The following ERBB3 variants were observed in gnomAD, a reference collection of about 807,000 sequenced individuals.
The protein encoded by ERBB3 is erb-b2 receptor tyrosine kinase 3, also known as receptor tyrosine-protein kinase erbB-3.
Under a neutral mutation model 156.7 loss-of-function variants are expected in ERBB3, and 96 were observed. The ratio of observed to expected loss-of-function variants is 0.61; its 90% confidence interval spans 0.52 to 0.73. The LOEUF is 0.73. ERBB3 is among the 30% of genes least tolerant of loss of function. The probability of loss-of-function intolerance (pLI) is 0.00; values close to 1 mark genes in which losing one functional copy is unlikely to be tolerated. For missense variants in ERBB3, 1,406 were observed against 1,709.4 expected (o/e 0.82, Z 3.13); for synonymous variants, 567 against 632.0 (o/e 0.90, Z 1.54).
At chr12:56,085,229 G>A (rs1190140884) in intron 3 of ERBB3, 48 bp downstream of exon 3, 1 of 1,614,000 alleles carries the variant, frequency 6.2e-7, no homozygotes, top group Admixed American at 1.7e-5. Flanking sequence ...GCCAGCCCAA[G>A]ACTGGTACCT....
chr12:56,088,092 A>G lies in ERBB3; in HGVS notation c.804A>G (p.Leu268=), dbSNP rs770884727. Residue 268 remains leucine, a synonymous_variant, in exon 7 of 28, where the codon CTA becomes CTG. Coordinates refer to ENST00000267101, the MANE Select transcript of ERBB3 (RefSeq NM_001982.4). ...CACAGCCTCTTGTCTACAACAAGCT[A>G]ACTTTCCAGCTGGAACCCAATCCCC... The part of the protein sequence containing the change: ...RCPQPLVYNK[L]TFQLEPNPHT... 9 of 1,614,014 alleles carry G rather than the reference A, an allele frequency of 5.6e-6. No individual in the cohort carries two copies. In the African/African-American group the frequency reaches 1.2e-4, roughly 22 times the overall value.
chr12:56,100,423 C>T (rs1869051283), intron 26 of ERBB3, 178 bp downstream of exon 26: 1 of 651,170 alleles, frequency 1.5e-6, no homozygotes, highest in Non-Finnish European at 2.8e-6. Flanking sequence ...GAGTGGATCA[C>T]CTGAGGTTAG....
Position 56,093,562 on chromosome 12 carries a change from G to C in ERBB3, c.1480+12G>C, listed in dbSNP as rs1385001279. ...GCGCAGAGACTGCGGTGAGGGAAAG[G>C]GTCTGCTAGGTGGTGAGAATAGGGA... On this transcript the variant is annotated intron_variant, in intron 12 of 27. Transcript: ENST00000267101. 8 of 1,607,056 alleles carry C rather than the reference G, an allele frequency of 5.0e-6. No homozygotes were observed. Among genetic ancestry groups the C allele is most frequent in the Admixed American group, 3.3e-5 (2 of 59,976 alleles).
chr12:56,095,332 T>C (rs1358313330), intron 16 of ERBB3, 22 bp downstream of exon 16: 1 of 1,605,048 alleles, frequency 6.2e-7, no homozygotes, highest in Non-Finnish European at 8.5e-7. Context: ...TTGGAGATTC[T>C]GGAAACTGGG....
chr12:56,093,332 TC>T lies in ERBB3; in HGVS notation c.1275-11del. The stretch of plus-strand genomic sequence containing the variant: ...TAGTAGTCTCTCCTCTCATCCTGTC[TC>T]CTTATTCTCAGCCGGGGCTTCTCAT... On this transcript the variant is annotated splice_polypyrimidine_tract_variant and intron_variant, in intron 11 of 27. Transcript: ENST00000267101. The T allele has an allele frequency of 6.2e-7, 1 of 1,609,008 alleles. No homozygotes were observed. Among genetic ancestry groups the T allele is most frequent in the Non-Finnish European group, 8.5e-7 (1 of 1,175,592 alleles).
At chr12:56,083,709 T>C (rs371192679) in intron 1 of ERBB3, 42 bp from the exon 2 acceptor site, 7 of 1,612,050 alleles carry the variant, frequency 4.3e-6, no homozygotes, top group African/African-American at 1.3e-5. Context: ...GGCTGAGAAT[T>C]TGTGTCCAGC....
At chr12:56,094,357 T>C (rs1366513767) in intron 14 of ERBB3, 45 bp from the exon 15 acceptor site, 1 of 1,612,200 alleles carries the variant, frequency 6.2e-7, no homozygotes, top group Non-Finnish European at 8.5e-7. Context: ...GGTATGGAAT[T>C]GACCTTGGGA....
intron 10 of ERBB3, 66 bp from the exon 11 acceptor site, chr12:56,092,920 G>A: frequency 6.5e-7 from 1 of 1,534,342 alleles, no homozygotes; most frequent in Non-Finnish European, 9.0e-7. Context: ...AGTTATAGGG[G>A]AGGAGCCAGG....
In ERBB3 at chr12:56,088,566, TC is replaced by T. The variant is rs775916001; in HGVS notation, c.900del (p.Cys301ValfsTer12). ...CPHNFVVDQT[S>X]CVRACPPDKM... ...AGATAACTTTGTGGTGGATCAAACA[TC>T]CTGTGTCAGGGCCTGTCCTCCTGAC... On this transcript the variant is annotated frameshift_variant, in exon 8 of 28. Coordinates refer to ENST00000267101, the MANE Select transcript of ERBB3 (RefSeq NM_001982.4). LOFTEE classifies it high-confidence loss of function. 2.5e-6 allele frequency: 4 copies of T among 1,613,850 alleles called. No individual in the cohort carries two copies. In the South Asian group the frequency reaches 3.3e-5, roughly 13 times the overall value.
intron 9 of ERBB3, among the ~76,000 whole-genome samples, chr12:56,092,088 TAAAA>T (rs778531663): frequency 8.9e-6 from 1 of 111,818 alleles, no homozygotes; most frequent in Non-Finnish European, 1.9e-5. Context: ...CCCTGTCTCT[TAAAA>T]AAAAAAAAAA....
intron 13 of ERBB3, 22 bp downstream of exon 13, chr12:56,093,918 A>G: frequency 6.8e-7 from 1 of 1,470,052 alleles, no homozygotes; most frequent in Non-Finnish European, 9.5e-7. Flanking sequence ...GGAGCCAGTC[A>G]AGGATGGGTG....
At position 56,088,163 on chromosome 12, in the gene ERBB3, G is replaced by A. The variant is rs755433568; in HGVS notation, c.874+1G>A. Reference sequence around the variant, plus strand: ...GGAGTTTGTGTAGCCAGCTGTCCCCGTAAGTGTCTGAGGGGAAGGAACAAT... The same window carrying A: ...GGAGTTTGTGTAGCCAGCTGTCCCCATAAGTGTCTGAGGGGAAGGAACAAT... On this transcript the variant is annotated splice_donor_variant, in intron 7 of 27. Transcript: ENST00000267101. LOFTEE classifies it high-confidence loss of function. 6.8e-6 allele frequency: 11 copies of A among 1,613,892 alleles called. No individual in the cohort carries two copies. The highest frequency in any genetic ancestry group is 2.2e-5 in the East Asian group (1 of 44,876).
chr12:56,102,131 C>A lies in ERBB3; in HGVS notation c.*76C>A. ...TAGAGGGTACCGTCTTCTCCCTATTCCCTCTCTCTCCCAGGTCCCAGCCCC... is the reference window on the plus strand; with the variant it reads ...TAGAGGGTACCGTCTTCTCCCTATTACCTCTCTCTCCCAGGTCCCAGCCCC... On this transcript the variant is annotated 3_prime_UTR_variant, in exon 28 of 28. Transcript: ENST00000267101. 2 of 1,284,248 alleles carry A rather than the reference C, an allele frequency of 1.6e-6. No homozygotes were observed. The highest frequency in any genetic ancestry group is 2.2e-6 in the Non-Finnish European group (2 of 893,340). The allele number at this position is 1,284,248 out of a possible 1,614,324, so 79.6% of individuals were successfully genotyped here. A position where few individuals can be genotyped will look rare whatever the true frequency, so the allele number is the denominator to read the frequency against.
At position 56,094,136 on chromosome 12, in the gene ERBB3, T is replaced by C; in HGVS notation, c.1651T>C (p.Ser551Pro). ...ATTTGCCCATGAGGCCGAATGCTTC[T>C]CCTGCCACCCGGAATGCCAACCCAT... is the stretch of plus-strand genomic sequence containing the variant. ...REFAHEAECF[S>P]CHPECQPMEG... The change falls in exon 14 of 28, where the codon TCC (serine) becomes CCC (proline). Residue 551 changes from serine (S) to proline (P), a missense_variant. Physicochemically the swap from Ser to Pro is moderately conservative, Grantham distance 74. Transcript: ENST00000267101. 6.2e-7 allele frequency: 1 copy of C among 1,613,992 alleles called. No homozygotes were observed. Among genetic ancestry groups the C allele is most frequent in the Non-Finnish European group, 8.5e-7 (1 of 1,179,928 alleles).
In ERBB3 at chr12:56,085,166, T is replaced by C; in HGVS notation, c.406T>C (p.Leu136=). The change falls in exon 3 of 28, where the codon TTG becomes CTG. Residue 136 remains leucine, a synonymous_variant. Coordinates refer to ENST00000267101, the MANE Select transcript of ERBB3 (RefSeq NM_001982.4). Reference sequence around the variant, plus strand: ...CAGCCACGCTCTGCGCCAGCTCCGCTTGACTCAGCTCACCGGTCAGTTCCC... The same window carrying C: ...CAGCCACGCTCTGCGCCAGCTCCGCCTGACTCAGCTCACCGGTCAGTTCCC... ...NSSHALRQLR[L]TQLTEILSGG... is the part of the protein sequence containing the mutation. The C allele has an allele frequency of 6.2e-7, 1 of 1,614,170 alleles. No homozygotes were observed. The highest frequency in any genetic ancestry group is 8.5e-7 in the Non-Finnish European group (1 of 1,180,020).
chr12:56,101,709 G>T lies in ERBB3; in HGVS notation c.3683G>T (p.Gly1228Val). 1 of 1,613,832 alleles carries T rather than the reference G, an allele frequency of 6.2e-7. No individual in the cohort carries two copies. The highest frequency in any genetic ancestry group is 8.5e-7 in the Non-Finnish European group (1 of 1,179,972). The change falls in exon 28 of 28, where the codon GGG (glycine) becomes GTG (valine). Residue 1228 changes from glycine (G) to valine (V), a missense_variant. This residue lies in a region of ERBB3 where 415 missense variants were observed against 454.1 expected (regional missense o/e 0.91). Transcript: ENST00000267101. ...CTGGGTTATGAGTACATGGATGTGG[G>T]GTCAGACCTCAGTGCCTCTCTGGGC... ...EELGYEYMDVGSDLSASLGST... is the reference protein window; with the variant it reads ...EELGYEYMDVVSDLSASLGST...
In ERBB3 at chr12:56,093,532, C is replaced by T. The variant is rs1394170153; in HGVS notation, c.1462C>T (p.Arg488Trp). The T allele has an allele frequency of 5.6e-6, 9 of 1,612,214 alleles. No individual in the cohort carries two copies. Among genetic ancestry groups the T allele is most frequent in the Non-Finnish European group, 7.6e-6 (9 of 1,179,778 alleles). Residue 488 changes from arginine (R) to tryptophan (W), a missense_variant, in exon 12 of 28, where the codon CGG becomes TGG. Around this residue, in one of 3 missense-constraint regions of ERBB3, gnomAD observed 979 missense variants for 1,219.6 expected, o/e 0.80. Transcript: ENST00000267101. Reference sequence around the variant, plus strand: ...AGAGCGACTAGACATCAAGCATAATCGGCCGCGCAGAGACTGCGGTGAGGG... The same window carrying T: ...AGAGCGACTAGACATCAAGCATAATTGGCCGCGCAGAGACTGCGGTGAGGG... ...TEERLDIKHN[R>W]PRRDCVAEGK...
In ERBB3 at chr12:56,089,560, T is replaced by A. The variant is rs186838784; in HGVS notation, c.1109+692T>A. On this transcript the variant is annotated intron_variant, in intron 9 of 27. Transcript: ENST00000267101. ...CAGATCGAGACCATCCTGGCTAACATGGTGAAATGCCATCTCTACTAAAAA... is the reference window on the plus strand; with the variant it reads ...CAGATCGAGACCATCCTGGCTAACAAGGTGAAATGCCATCTCTACTAAAAA... 3.4e-3 allele frequency among the ~76,000 whole-genome samples: 515 copies of A among 152,170 alleles called. 1 individual carries two copies. Among genetic ancestry groups the A allele is most frequent in the Non-Finnish European group, 6.3e-3 (429 of 67,996 alleles).
At position 56,088,111 on chromosome 12, in the gene ERBB3, A is replaced by G. The variant is rs2136795420; in HGVS notation, c.823A>G (p.Asn275Asp). Residue 275 changes from asparagine to aspartate, a missense_variant, in exon 7 of 28, where the codon AAT (asparagine) becomes GAT (aspartate). Transcript: ENST00000267101. ...CAAGCTAACTTTCCAGCTGGAACCCAATCCCCACACCAAGTATCAGTATGG... is the reference window on the plus strand; with the variant it reads ...CAAGCTAACTTTCCAGCTGGAACCCGATCCCCACACCAAGTATCAGTATGG... ...YNKLTFQLEP[N>D]PHTKYQYGGV... 1 of 1,614,166 alleles carries G rather than the reference A, an allele frequency of 6.2e-7. No individual in the cohort carries two copies. Among genetic ancestry groups the G allele is most frequent in the Non-Finnish European group, 8.5e-7 (1 of 1,180,016 alleles).
Sources: gnomAD v4.1 joint callset for allele counts (sites outside exome capture counted in the v4.1 genomes callset) on GRCh38, gnomAD v4.1.1 for gene constraint, gnomAD v4.1.1 regional missense constraint, MANE v1.5 for transcripts, NCBI Gene and HGNC (gene_info 2026-07-23, HGNC 2026-07-21) for gene names.